Variants in ARHGAP44 observed in about 807,000 individuals in gnomAD.
The protein encoded by ARHGAP44 is rho GTPase-activating protein 44.
A neutral mutation model predicts 106.8 loss-of-function variants in ARHGAP44; 43 were observed. The observed-to-expected ratio is 0.40, with a 90% CI of 0.32 to 0.52. ARHGAP44 has a LOEUF of 0.52. Among genes scored for constraint, ARHGAP44 ranks in the 20% least tolerant of loss-of-function variants. ARHGAP44 has a pLI of 0.48. For synonymous variants in ARHGAP44, 439 were observed against 410.3 expected, an observed-to-expected ratio of 1.07 and a Z score of -0.85; for missense variants, 866 against 1,050.5, an observed-to-expected ratio of 0.82 and a Z score of 2.43.
chr17:12,860,838 A>G (rs142095500), intron 1 of ARHGAP44, among the ~76,000 whole-genome samples: 4 of 148,846 alleles, frequency 2.7e-5, no homozygotes, highest in Admixed American at 6.7e-5. Context: ...ACCAATCGGT[A>G]TATGGTTTTT....
At chr17:12,813,433 G>A (rs62060413) in intron 1 of ARHGAP44, among the ~76,000 whole-genome samples, 31,017 of 151,950 alleles carry the variant, frequency 0.2, 4,441 homozygotes, top group African/African-American at 0.41. Context: ...GACATGAAAA[G>A]TTAAAACCAC....
Position 12,980,069 on chromosome 17 carries a change from G to A in ARHGAP44, c.1775G>A (p.Ser592Asn). The A allele has an allele frequency of 6.2e-7, 1 of 1,605,622 alleles. No homozygotes were observed. Among genetic ancestry groups the A allele is most frequent in the Non-Finnish European group, 8.5e-7 (1 of 1,175,712 alleles). Residue 592 changes from serine (S) to asparagine (N), a missense_variant, in exon 19 of 21, where the codon AGC becomes AAC. By Grantham distance (46) the Ser-to-Asn change is conservative (BLOSUM62 1). Around this residue, in one of 2 missense-constraint regions of ARHGAP44, gnomAD observed 418 missense variants for 403.6 expected, o/e 1.04. Coordinates refer to ENST00000379672, the MANE Select transcript of ARHGAP44 (RefSeq NM_014859.6). ...PGPERTSTTK[S>N]KELSPGSAQK... The stretch of plus-strand genomic sequence containing the variant: ...TGCTTTCGTTTCAGCACAACAAAAA[G>A]CAAGGAACTTTCTCCAGGCTCTGCA...
intron 3 of ARHGAP44, among the ~76,000 whole-genome samples, chr17:12,899,479 C>T (rs1254927517): frequency 2.0e-5 from 3 of 152,124 alleles, no homozygotes; most frequent in African/African-American, 7.2e-5. Context: ...GGAAACGTGA[C>T]ACTTATAAAT....
At chr17:12,939,823 C>G (rs770035701) in intron 7 of ARHGAP44, among the ~76,000 whole-genome samples, 8 of 152,206 alleles carry the variant, frequency 5.3e-5, no homozygotes, top group Non-Finnish European at 8.8e-5. Context: ...CCAAGCATAA[C>G]ATTGTCTAAT....
At chr17:12,847,487 C>T (rs940069106) in intron 1 of ARHGAP44, among the ~76,000 whole-genome samples, 2 of 149,936 alleles carry the variant, frequency 1.3e-5, no homozygotes. Context: ...CCCTCCCCTA[C>T]ACCTTCCTTC....
chr17:12,895,108 C>A, intron 2 of ARHGAP44, 129 bp downstream of exon 2: 1 of 750,206 alleles, frequency 1.3e-6, no homozygotes, highest in Non-Finnish European at 2.1e-6. Context: ...TCCAGCCTGG[C>A]GATACAGCGA....
chr17:12,936,836 A>C (rs1298421614), intron 7 of ARHGAP44, among the ~76,000 whole-genome samples: 1 of 152,176 alleles, frequency 6.6e-6, no homozygotes, highest in East Asian at 1.9e-4. Flanking sequence ...GTTGCTCCAC[A>C]TCTGTGCCTG....
intron 1 of ARHGAP44, among the ~76,000 whole-genome samples, chr17:12,800,450 G>T (rs975605750): frequency 1.3e-5 from 2 of 152,196 alleles, no homozygotes; most frequent in African/African-American, 4.8e-5. Flanking sequence ...GTTGGAGGCA[G>T]CTCTTCTGAG....
intron 1 of ARHGAP44, among the ~76,000 whole-genome samples, chr17:12,893,350 C>T (rs953088224): frequency 1.3e-5 from 2 of 152,166 alleles, no homozygotes; most frequent in Non-Finnish European, 2.9e-5. Context: ...CAGAAGGGAG[C>T]AGCCTTGTTA....
At chr17:12,956,990 T>A (rs2039145282) in intron 15 of ARHGAP44, among the ~76,000 whole-genome samples, 2 of 152,166 alleles carry the variant, frequency 1.3e-5, no homozygotes, top group African/African-American at 4.8e-5. Flanking sequence ...TTGCTCTTGT[T>A]GCCCAGGCTG....
At chr17:12,859,208 GC>G (rs1244510812) in intron 1 of ARHGAP44, among the ~76,000 whole-genome samples, 1 of 152,182 alleles carries the variant, frequency 6.6e-6, no homozygotes, top group East Asian at 1.9e-4. Context: ...CCATCTACGA[GC>G]CAAGGAATGC....
intron 7 of ARHGAP44, among the ~76,000 whole-genome samples, chr17:12,940,823 G>A (rs933293096): frequency 3.3e-5 from 5 of 152,226 alleles, no homozygotes; most frequent in Non-Finnish European, 5.9e-5. Flanking sequence ...TGGTCCAAAT[G>A]TCAAAATCTC....
chr17:12,897,062 ATGCGATTC>A (rs2037227012), intron 3 of ARHGAP44, among the ~76,000 whole-genome samples: 1 of 152,182 alleles, frequency 6.6e-6, no homozygotes, highest in Non-Finnish European at 1.5e-5. Flanking sequence ...GCATTGTATA[ATGCGATTC>A]CATTTCAACA....
intron 19 of ARHGAP44, among the ~76,000 whole-genome samples, chr17:12,981,552 C>G (rs2039830845): frequency 6.6e-6 from 1 of 152,042 alleles, no homozygotes; most frequent in Non-Finnish European, 1.5e-5. Flanking sequence ...CGTCTACCAC[C>G]ACACCTGGCT....
chr17:12,879,359 C>T (rs2036650368), intron 1 of ARHGAP44, among the ~76,000 whole-genome samples: 2 of 152,070 alleles, frequency 1.3e-5, no homozygotes, highest in Admixed American at 1.3e-4. Context: ...TTTCTTTATC[C>T]ACTCATTGAT....
chr17:12,836,418 C>A (rs1247422689), intron 1 of ARHGAP44, among the ~76,000 whole-genome samples: 1 of 151,954 alleles, frequency 6.6e-6, no homozygotes, highest in Non-Finnish European at 1.5e-5. Flanking sequence ...GAGGCTGAGG[C>A]GGGCGGATCA....
rs555731505 is a variant in ARHGAP44 at position 12,972,376 on chromosome 17, G to A, written c.1524-926G>A. ...GAAGTCAGTGGATAAGGCCAGGCGT[G>A]GTGGCTCACACCTGTAATCCCAGCA... On this transcript the variant is annotated intron_variant, in intron 16 of 20. Transcript: ENST00000379672. Among the ~76,000 whole-genome samples the A allele has an allele frequency of 1.5e-4, 23 of 152,152 alleles. No homozygotes were observed. In the South Asian group the frequency reaches 4.6e-3, roughly 30 times the overall value.
chr17:12,824,471 C>G (rs2034861993), intron 1 of ARHGAP44, among the ~76,000 whole-genome samples: 1 of 152,056 alleles, frequency 6.6e-6, no homozygotes. Flanking sequence ...TGACCTCACA[C>G]TCCCCATGTC....
intron 16 of ARHGAP44, among the ~76,000 whole-genome samples, chr17:12,967,348 C>T (rs6502223): frequency 0.072 from 10,774 of 149,864 alleles, 615 homozygotes; most frequent in African/African-American, 0.14. Context: ...CCCACCTCAG[C>T]CTCCCAAATA....
Sources: gnomAD v4.1 joint callset for allele counts (sites outside exome capture counted in the v4.1 genomes callset) on GRCh38, gnomAD v4.1.1 for gene constraint, gnomAD v4.1.1 regional missense constraint, MANE v1.5 for transcripts, NCBI Gene and HGNC (gene_info 2026-07-23, HGNC 2026-07-21) for gene names.